OTUD7B: variants seen among roughly 807,000 people sequenced by gnomAD.
OTUD7B encodes the protein OTU deubiquitinase 7B, also known as OTU domain-containing protein 7B.
In OTUD7B, 34 loss-of-function variants were observed where a neutral mutation model predicts 82.2. That is an observed-to-expected ratio of 0.41 (90% CI 0.31 to 0.55). The LOEUF is 0.55. OTUD7B is among the 20% of genes least tolerant of loss of function. The pLI, the probability that OTUD7B is intolerant of heterozygous loss-of-function variation, is 0.20. For missense variants in OTUD7B, 944 were observed against 1,062.1 expected (o/e 0.89, Z 1.55); for synonymous variants, 398 against 402.7 (o/e 0.99, Z 0.14).
chr1:150,033,325 T>C, the OTUD7B span, among the ~76,000 whole-genome samples: 1 of 152,182 alleles, frequency 6.6e-6, no homozygotes, highest in Non-Finnish European at 1.5e-5. Context: ...TAAAATAATA[T>C]ACATCTTTTA....
At chr1:149,990,086 G>A (rs1651457448) in intron 1 of OTUD7B, among the ~76,000 whole-genome samples, 1 of 152,144 alleles carries the variant, frequency 6.6e-6, no homozygotes, top group Non-Finnish European at 1.5e-5. Flanking sequence ...CACTGCCATG[G>A]GGCCTGGAGA....
rs1648085686 is a variant in OTUD7B at position 149,950,239 on chromosome 1, G to A, written c.846-18C>T. ...TCTCCACCCTGGAACGACGGGAAGG[G>A]AGAGAGTGAAAAGGGTGCAGTAAAA... On this transcript the variant is annotated intron_variant, in intron 7 of 11. Transcript: ENST00000581312. 1 of 1,613,456 alleles carries A rather than the reference G, an allele frequency of 6.2e-7. No homozygotes were observed. Among genetic ancestry groups the A allele is most frequent in the Non-Finnish European group, 8.5e-7 (1 of 1,179,796 alleles).
intron 2 of OTUD7B, among the ~76,000 whole-genome samples, chr1:149,973,298 C>T (rs1389888790): frequency 6.6e-6 from 1 of 152,060 alleles, no homozygotes; most frequent in Non-Finnish European, 1.5e-5. Context: ...GTGGTGTGTG[C>T]TCGTGGTCCT....
the OTUD7B span, among the ~76,000 whole-genome samples, chr1:150,027,065 A>T: frequency 6.6e-6 from 1 of 152,178 alleles, no homozygotes; most frequent in Non-Finnish European, 1.5e-5. Context: ...TTCAGCCTTC[A>T]GATAACGTAA....
intron 5 of OTUD7B, 60 bp downstream of exon 5, chr1:149,965,717 G>A (rs1380335728): frequency 3.0e-5 from 36 of 1,210,794 alleles, no homozygotes; most frequent in Non-Finnish European, 3.9e-5. Flanking sequence ...TCCTACACAT[G>A]AGATTTGACT....
At chr1:150,010,216 G>T (rs1297623848) in intron 1 of OTUD7B, among the ~76,000 whole-genome samples, 4 of 152,170 alleles carry the variant, frequency 2.6e-5, no homozygotes, top group Non-Finnish European at 4.4e-5. Flanking sequence ...GGGAGCTGGA[G>T]AGCGCGGGGT....
rs113437646 is a variant in OTUD7B at position 149,945,798 on chromosome 1, T to C, written c.1324-733A>G. Among the ~76,000 whole-genome samples the C allele has an allele frequency of 3.6e-3, 552 of 151,728 alleles. 1 individual carries two copies. Among genetic ancestry groups the C allele is most frequent in the Non-Finnish European group, 6.3e-3 (425 of 67,888 alleles). ...ATGTTAAGCCAGGCACGGTGGCTCA[T>C]GCCTGTAATCCCAGCACTTTGGGAG... On this transcript the variant is annotated intron_variant, in intron 11 of 11. Transcript: ENST00000581312.
intron 1 of OTUD7B, among the ~76,000 whole-genome samples, chr1:150,009,621 A>G (rs1293617098): frequency 6.6e-6 from 1 of 152,092 alleles, no homozygotes; most frequent in Non-Finnish European, 1.5e-5. Flanking sequence ...CTAATTTCAA[A>G]TTTTTACATC....
At chr1:150,034,811 C>T in the OTUD7B span, among the ~76,000 whole-genome samples, 20 of 152,034 alleles carry the variant, frequency 1.3e-4, no homozygotes, top group Middle Eastern at 0.017. Context: ...TTGAACATTG[C>T]GGCTTTATTA....
intron 1 of OTUD7B, among the ~76,000 whole-genome samples, chr1:149,991,433 A>G (rs1396690742): frequency 6.6e-6 from 1 of 152,210 alleles, no homozygotes; most frequent in African/African-American, 2.4e-5. Flanking sequence ...TGATAGTTCT[A>G]GTTTACCTGG....
intron 7 of OTUD7B, among the ~76,000 whole-genome samples, chr1:149,953,480 G>T (rs587754158): frequency 2.0e-5 from 3 of 152,110 alleles, no homozygotes; most frequent in Non-Finnish European, 4.4e-5. Context: ...GTCAGGTAGC[G>T]TGATGCCTCC....
intron 7 of OTUD7B, among the ~76,000 whole-genome samples, chr1:149,955,123 AT>A (rs1648567947): frequency 6.6e-6 from 1 of 151,856 alleles, no homozygotes; most frequent in Non-Finnish European, 1.5e-5. Context: ...AGTTCTTTTA[AT>A]TGTGATGTTA....
At chr1:150,028,757 G>A in the OTUD7B span, among the ~76,000 whole-genome samples, 3 of 152,046 alleles carry the variant, frequency 2.0e-5, no homozygotes, top group South Asian at 2.1e-4. Flanking sequence ...TGCAACCTCC[G>A]CCTCCCAGGT....
the OTUD7B span, among the ~76,000 whole-genome samples, chr1:150,059,585 G>A: frequency 6.6e-6 from 1 of 151,388 alleles, no homozygotes; most frequent in African/African-American, 2.4e-5. Context: ...GTCAGGCTCG[G>A]TCTTAAACTC....
At position 149,978,262 on chromosome 1, in the gene OTUD7B, T is replaced by A. The variant is rs1188201415; in HGVS notation, c.-66-686A>T. Among the ~76,000 whole-genome samples the A allele has an allele frequency of 2.6e-5, 4 of 152,340 alleles. No homozygotes were observed. The South Asian group carries it at 6.2e-4, about 24-fold the overall frequency. The stretch of plus-strand genomic sequence containing the variant: ...TGGCTCACGCCTTTAATCTCAGCAC[T>A]TTGGGAGGCCGAGGCAGGTGTATCA... On this transcript the variant is annotated intron_variant, in intron 1 of 11. Transcript: ENST00000581312.
chr1:150,062,457 C>T, the OTUD7B span, among the ~76,000 whole-genome samples: 145 of 152,248 alleles, frequency 9.5e-4, no homozygotes, highest in African/African-American at 3.0e-3. Flanking sequence ...TCATTTTCAG[C>T]GAATTCCCTT....
chr1:150,004,894 G>T (rs1479460839), intron 1 of OTUD7B, among the ~76,000 whole-genome samples: 15 of 152,118 alleles, frequency 9.9e-5, no homozygotes, highest in Non-Finnish European at 1.8e-4. Context: ...ACAGAGTCTT[G>T]CTCTGTCACC....
intron 10 of OTUD7B, among the ~76,000 whole-genome samples, chr1:149,948,350 T>C (rs1647912653): frequency 6.8e-6 from 1 of 147,582 alleles, no homozygotes; most frequent in African/African-American, 2.5e-5. Context: ...AGACATGTGA[T>C]TTGATTATCC....
chr1:150,062,708 C>CTTTTTTTTTTTTTTTTTT, the OTUD7B span, among the ~76,000 whole-genome samples: 19 of 96,052 alleles, frequency 2.0e-4, no homozygotes, highest in South Asian at 3.4e-4. Context: ...CTTCTTCTTT[C>CTTTTTTTTTTTTTTTTTT]TTTTTTTTTT....
Sources: gnomAD v4.1 joint callset for allele counts (sites outside exome capture counted in the v4.1 genomes callset) on GRCh38, gnomAD v4.1.1 for gene constraint, MANE v1.5 for transcripts, NCBI Gene and HGNC (gene_info 2026-07-23, HGNC 2026-07-21) for gene names.